RBFOX1: variants seen among roughly 807,000 people sequenced by gnomAD.
RBFOX1 encodes RNA binding protein fox-1 homolog 1.
Under a neutral mutation model 57.7 loss-of-function variants are expected in RBFOX1, and 8 were observed. That is an observed-to-expected ratio of 0.14 (90% confidence interval 0.08 to 0.25). The LOEUF is 0.25. Among genes scored for constraint, RBFOX1 ranks in the 10% least tolerant of loss-of-function variants. The pLI is 1.00. For missense variants in RBFOX1, 611 were observed against 548.5 expected (o/e 1.11, Z -1.14); for synonymous variants, 326 against 222.4 (o/e 1.47, Z -4.15).
At chr16:6,360,867 A>G (rs1385206966) in intron 2 of RBFOX1, among the ~76,000 whole-genome samples, 1 of 152,068 alleles carries the variant, frequency 6.6e-6, no homozygotes, top group Non-Finnish European at 1.5e-5. Context: ...TGTAGTCTGA[A>G]ATTTTGGAGA....
intron 1 of RBFOX1, among the ~76,000 whole-genome samples, chr16:6,114,780 T>C (rs942601330): frequency 6.6e-6 from 1 of 152,146 alleles, no homozygotes; most frequent in Non-Finnish European, 1.5e-5. Context: ...GGGAGGATTA[T>C]TGGCTTCACC....
chr16:7,470,457 A>G (rs184084135), intron 4 of RBFOX1, among the ~76,000 whole-genome samples: 3,132 of 151,278 alleles, frequency 0.021, 52 homozygotes, highest in Middle Eastern at 0.048. Flanking sequence ...GGGTGGGTGG[A>G]TGAGTGGATG....
At chr16:6,090,109 C>A (rs527494465) in intron 1 of RBFOX1, 1 of 152,074 alleles carries the variant, frequency 6.6e-6, no homozygotes, top group South Asian at 2.1e-4. Context: ...GGCTCGTGGC[C>A]CCTTCTTCCA....
chr16:7,393,929 C>A (rs1487138091), intron 4 of RBFOX1, among the ~76,000 whole-genome samples: 2 of 152,028 alleles, frequency 1.3e-5, no homozygotes, highest in African/African-American at 4.8e-5. Context: ...ATGGCTGAGG[C>A]ACCAGCTTTA....
chr16:5,661,290 G>A (rs2109001), intron 3 of RBFOX1, among the ~76,000 whole-genome samples: 50,696 of 151,994 alleles, frequency 0.33, 9,296 homozygotes, highest in East Asian at 0.75. Context: ...TCCAGGGTCA[G>A]TGACAGTGAA....
chr16:5,720,407 ATGT>A (rs1390940607), intron 3 of RBFOX1, among the ~76,000 whole-genome samples: 6 of 152,274 alleles, frequency 3.9e-5, no homozygotes, highest in Non-Finnish European at 1.5e-5. Context: ...AACTTTCCAG[ATGT>A]TGTTATTTTC....
intron 2 of RBFOX1, among the ~76,000 whole-genome samples, chr16:6,427,073 G>A (rs1367732379): frequency 6.6e-6 from 1 of 152,158 alleles, no homozygotes; most frequent in South Asian, 2.1e-4. Flanking sequence ...TATGAGGTAG[G>A]GAAGGGTTGA....
chr16:7,634,178 T>C (rs1364844548), intron 11 of RBFOX1, among the ~76,000 whole-genome samples: 1 of 152,184 alleles, frequency 6.6e-6, no homozygotes, highest in Middle Eastern at 3.2e-3. Flanking sequence ...TTTTCAGCAA[T>C]TGTGTAGGAT....
At chr16:7,148,386 C>T (rs556803850) in intron 4 of RBFOX1, among the ~76,000 whole-genome samples, 1 of 152,170 alleles carries the variant, frequency 6.6e-6, no homozygotes, top group Non-Finnish European at 1.5e-5. Context: ...TTTGCATTAA[C>T]CAACACTCCC....
chr16:6,037,970 G>C (rs1489664585), intron 1 of RBFOX1: 1 of 152,038 alleles, frequency 6.6e-6, no homozygotes, highest in African/African-American at 2.4e-5. Context: ...CCCATTGTGA[G>C]GACTCTTTAG....
At chr16:7,352,152 C>G (rs982271941) in intron 4 of RBFOX1, among the ~76,000 whole-genome samples, 1 of 152,170 alleles carries the variant, frequency 6.6e-6, no homozygotes, top group East Asian at 1.9e-4. Context: ...TAAAGGATCT[C>G]TGCTCCAGAT....
chr16:7,517,539 TACACACACACAGACACACACACACAC>T (rs2076631748), intron 4 of RBFOX1, among the ~76,000 whole-genome samples: 1 of 50,622 alleles, frequency 2.0e-5, no homozygotes, highest in African/African-American at 6.3e-5. Context: ...CATACACGCA[TACACACACACAGACACACACACACAC>T]ACACACACAA....
At chr16:7,635,125 A>T (rs1252921062) in intron 11 of RBFOX1, among the ~76,000 whole-genome samples, 1 of 152,198 alleles carries the variant, frequency 6.6e-6, no homozygotes, top group African/African-American at 2.4e-5. Flanking sequence ...GCTCAACATC[A>T]AAATTGGCAC....
At chr16:5,713,672 T>C (rs1177885678) in intron 3 of RBFOX1, among the ~76,000 whole-genome samples, 2 of 152,210 alleles carry the variant, frequency 1.3e-5, no homozygotes, top group African/African-American at 4.8e-5. Context: ...GTTATGATTT[T>C]GTAGATAAGT....
At chr16:7,306,899 CTACTA>C (rs1422494857) in intron 4 of RBFOX1, among the ~76,000 whole-genome samples, 2 of 152,158 alleles carry the variant, frequency 1.3e-5, no homozygotes, top group Non-Finnish European at 2.9e-5. Context: ...CCAGACACCA[CTACTA>C]TATTTTTTAT....
intron 2 of RBFOX1, among the ~76,000 whole-genome samples, chr16:6,399,729 C>G (rs945416016): frequency 2.0e-5 from 3 of 152,002 alleles, no homozygotes; most frequent in Non-Finnish European, 2.9e-5. Flanking sequence ...TTAGTTCATT[C>G]TCAAGCTGCT....
chr16:5,391,902 C>A (rs982265151), intron 1 of RBFOX1, among the ~76,000 whole-genome samples: 1 of 151,182 alleles, frequency 6.6e-6, no homozygotes, highest in Non-Finnish European at 1.5e-5. Flanking sequence ...CACACACACA[C>A]ACACACGCAC....
chr16:5,859,606 A>T (rs983801514), intron 3 of RBFOX1, among the ~76,000 whole-genome samples: 1 of 152,192 alleles, frequency 6.6e-6, no homozygotes, highest in Non-Finnish European at 1.5e-5. Flanking sequence ...ATCACAAAGA[A>T]CAGCATAGGT....
intron 4 of RBFOX1, among the ~76,000 whole-genome samples, chr16:7,299,756 T>A (rs1007521261): frequency 6.6e-6 from 1 of 152,170 alleles, no homozygotes; most frequent in African/African-American, 2.4e-5. Flanking sequence ...ACATTAGAAG[T>A]GCCAAACTTC....
Sources: allele counts gnomAD v4.1 joint callset (sites outside exome capture counted in the v4.1 genomes callset), GRCh38; gene constraint gnomAD v4.1.1; transcripts MANE v1.5; gene names NCBI Gene and HGNC (gene_info 2026-07-23, HGNC 2026-07-21).